Variants in NUMA1 observed in about 807,000 individuals in gnomAD.
The protein encoded by NUMA1 is nuclear mitotic apparatus protein 1, also known as SP-H antigen.
NUMA1 carries 62 observed loss-of-function variants against 237.1 expected under a neutral mutation model. That is an observed-to-expected ratio of 0.26 (90% CI 0.21 to 0.32). The LOEUF is 0.32. NUMA1 is among the 10% of genes least tolerant of loss of function. The pLI, the probability that NUMA1 is intolerant of heterozygous loss-of-function variation, is 1.00. For missense variants in NUMA1, 2,533 were observed against 2,666.5 expected (o/e 0.95, Z 1.10); for synonymous variants, 1,028 against 1,066.1 (o/e 0.96, Z 0.70).
In NUMA1 at chr11:72,015,397, CTCCTGGAGCTGG is replaced by C; in HGVS notation, c.2094_2105del (p.Asp698_Gln701del). On this transcript the variant is annotated inframe_deletion, in exon 15 of 27. Coordinates refer to ENST00000393695, the MANE Select transcript of NUMA1 (RefSeq NM_006185.4). The surrounding 1 kb of genome is among the most constrained non-coding windows in gnomAD (Gnocchi z 4.0). ...AGGACTCTTTGAGGGCCTGGAGCTG[CTCCTGGAGCTGG>C]TCCTTCTCCTGGGCCACCCTTTCTT... The C allele has an allele frequency of 6.2e-7, 1 of 1,612,126 alleles. No homozygotes were observed. Among genetic ancestry groups the C allele is most frequent in the Non-Finnish European group, 8.5e-7 (1 of 1,180,014 alleles).
At chr11:72,019,462 C>T in intron 9 of NUMA1, 32 bp downstream of exon 9, 2 of 1,607,136 alleles carry the variant, frequency 1.2e-6, no homozygotes, top group Non-Finnish European at 1.7e-6. Flanking sequence ...GATGCTGAGG[C>T]CCTATCCCAG....
chr11:72,043,350 C>T (rs865850248), intron 2 of NUMA1, among the ~76,000 whole-genome samples: 3 of 134,240 alleles, frequency 2.2e-5, no homozygotes, highest in East Asian at 2.2e-4. Flanking sequence ...ATTAGCCAGG[C>T]GGAGTTCTTT....
At position 72,013,743 on chromosome 11, in the gene NUMA1, G is replaced by A. The variant is rs913046357; in HGVS notation, c.3760C>T (p.Leu1254=). 6.2e-7 allele frequency: 1 copy of A among 1,609,994 alleles called. No individual in the cohort carries two copies. Among genetic ancestry groups the A allele is most frequent in the Non-Finnish European group, 8.5e-7 (1 of 1,180,012 alleles). The change falls in exon 15 of 27, where the codon CTG becomes TTG. Residue 1254 remains leucine (L), a synonymous_variant. Transcript: ENST00000393695. The surrounding 1 kb of genome is among the most constrained non-coding windows in gnomAD (Gnocchi z 6.8). The part of the protein sequence containing the change: ...KEGESKELKR[L]VMAESEKSQK... The stretch of plus-strand genomic sequence containing the variant: ...CTCTTCTCTGACTCGGCCATCACCA[G>A]CCGCTTCAACTCCTTGCTCTCCCCC...
intron 23 of NUMA1, 105 bp downstream of exon 23, chr11:72,005,128 C>G: frequency 7.7e-7 from 1 of 1,298,768 alleles, no homozygotes; most frequent in Non-Finnish European, 1.0e-6. Context: ...TCCCCCTCCT[C>G]GGCCAGTCAG....
rs1316691763 is a variant in NUMA1, at chr11:72,014,037, A to G, written c.3466T>C (p.Ser1156Pro). The G allele has an allele frequency of 2.5e-6, 4 of 1,610,992 alleles. No individual in the cohort carries two copies. The East Asian group carries it at 8.9e-5, about 36-fold the overall frequency. The change falls in exon 15 of 27, where the codon TCC becomes CCC. Residue 1156 changes from serine (S) to proline (P), a missense_variant. Around this residue, in one of 3 missense-constraint regions of NUMA1, gnomAD observed 1,414 missense variants for 1,508.1 expected, o/e 0.94. Coordinates refer to ENST00000393695, the MANE Select transcript of NUMA1 (RefSeq NM_006185.4). This position sits in a 1 kb window ranked among gnomAD's most constrained non-coding sequence, Gnocchi z 4.6. The part of the protein sequence containing the change: ...LERSLEAERA[S>P]RAERDSALET... The stretch of plus-strand genomic sequence containing the variant: ...AGAGCACTGTCCCGCTCAGCCCGGG[A>G]GGCCCGCTCAGCCTCGAGGCTGCGT...
At chr11:72,006,290 GTGTACAGTCCCTGGCAC>G in intron 21 of NUMA1, 27 bp from the exon 22 acceptor site, 2 of 1,596,758 alleles carry the variant, frequency 1.3e-6, no homozygotes, top group Non-Finnish European at 1.7e-6. Context: ...ATCTGTTGCA[GTGTACAGTCCCTGGCAC>G]TGTACAGAAG....
chr11:72,062,044 CT>C (rs1942971930), intron 2 of NUMA1, among the ~76,000 whole-genome samples: 3 of 152,262 alleles, frequency 2.0e-5, no homozygotes, highest in South Asian at 2.1e-4. Context: ...GCTAGGGCCC[CT>C]GACCATTGTG....
At chr11:72,069,499 T>C (rs1645504100) in intron 2 of NUMA1, among the ~76,000 whole-genome samples, 1 of 152,120 alleles carries the variant, frequency 6.6e-6, no homozygotes, top group Non-Finnish European at 1.5e-5. Context: ...CCAAGAATGG[T>C]TCTGAAACCC....
At chr11:72,070,916 TACTC>T (rs1322265998) in intron 1 of NUMA1, among the ~76,000 whole-genome samples, 1 of 152,224 alleles carries the variant, frequency 6.6e-6, no homozygotes, top group Non-Finnish European at 1.5e-5. Flanking sequence ...TAGTTATTAA[TACTC>T]TATCTTGCAA....
At chr11:72,009,519 C>G in intron 17 of NUMA1, 132 bp from the exon 18 acceptor site, 4 of 1,176,096 alleles carry the variant, frequency 3.4e-6, no homozygotes, top group Non-Finnish European at 3.5e-6. Context: ...AAAACCACAC[C>G]ACCCCAAATA....
chr11:72,056,658 A>AAAAAAAAAAAAAC (rs1942669720), intron 2 of NUMA1, among the ~76,000 whole-genome samples: 2 of 138,624 alleles, frequency 1.4e-5, no homozygotes, highest in Non-Finnish European at 3.2e-5. Flanking sequence ...AAAAAAAAAA[A>AAAAAAAAAAAAAC]AAGGCAAGCC....
Position 72,018,382 on chromosome 11 carries a change from A to G in NUMA1, c.860+14T>C. 1 of 1,611,196 alleles carries G rather than the reference A, an allele frequency of 6.2e-7. No homozygotes were observed. The highest frequency in any genetic ancestry group is 8.5e-7 in the Non-Finnish European group (1 of 1,177,320). The stretch of plus-strand genomic sequence containing the variant: ...GGGGCTGGGGCCTGGGAAGGAATGC[A>G]GGGAGAGCTGTACCTCTCATTCTTG... On this transcript the variant is annotated intron_variant, in intron 11 of 26. Coordinates refer to ENST00000393695, the MANE Select transcript of NUMA1 (RefSeq NM_006185.4).
Position 72,073,119 on chromosome 11 carries a change from G to A in NUMA1, c.-102-3208C>T, listed in dbSNP as rs535019294. ...TACACCCATAAACCTAGCACTTTGC[G>A]AGGCCGAGGCAGGAGGATTGCTTGA... On this transcript the variant is annotated intron_variant, in intron 1 of 26. Transcript: ENST00000393695. Among the ~76,000 whole-genome samples, 18 of 142,898 alleles carry A rather than the reference G, an allele frequency of 1.3e-4. 1 individual carries two copies. The highest frequency in any genetic ancestry group is 4.1e-4 in the African/African-American group (16 of 38,624). The allele number at this position is 142,898 out of a possible 152,430, so 93.7% of individuals were successfully genotyped here. A position where few individuals can be genotyped will look rare whatever the true frequency, so the allele number is the denominator to read the frequency against.
At chr11:72,023,482 C>T (rs1473462771) in intron 5 of NUMA1, among the ~76,000 whole-genome samples, 1 of 152,184 alleles carries the variant, frequency 6.6e-6, no homozygotes, top group Non-Finnish European at 1.5e-5. Context: ...ACTTTAGAAT[C>T]CTGTTCCAAC....
chr11:72,015,550 C>A lies in NUMA1; in HGVS notation c.1953G>T (p.Lys651Asn), dbSNP rs1265034548. 3 of 1,613,492 alleles carry A rather than the reference C, an allele frequency of 1.9e-6. No individual in the cohort carries two copies. In the Admixed American group the frequency reaches 5.0e-5, roughly 27 times the overall value. ...CAACACAGGCCTGGAGTTCCTCCAC[C>A]TTCCGGCTCAGCTCTGCCTTCTCCC... is the stretch of plus-strand genomic sequence containing the variant. Reference protein sequence around the residue: ...AQREKAELSRKVEELQACVET... With the variant: ...AQREKAELSRNVEELQACVET... The change falls in exon 15 of 27, where the codon AAG becomes AAT. Residue 651 changes from lysine to asparagine, a missense_variant. Lys to Asn is a moderately conservative substitution (Grantham distance 94). Transcript: ENST00000393695. This position sits in a 1 kb window ranked among gnomAD's most constrained non-coding sequence, Gnocchi z 4.0.
rs535124967 is a variant in NUMA1, at chr11:72,037,501, G to A, written c.-32-1526C>T. 7.2e-5 allele frequency among the ~76,000 whole-genome samples: 11 copies of A among 151,944 alleles called. No individual in the cohort carries two copies. In the South Asian group the frequency reaches 1.2e-3, roughly 17 times the overall value. On this transcript the variant is annotated intron_variant, in intron 2 of 26. Transcript: ENST00000393695. ...AGTTTGGGTGACAGAGCGAGACTCCGTCTCAAAAAAAAATAATAAAAAAAA... is the reference window on the plus strand; with the variant it reads ...AGTTTGGGTGACAGAGCGAGACTCCATCTCAAAAAAAAATAATAAAAAAAA...
At chr11:72,025,092 T>A (rs910948647) in intron 4 of NUMA1, among the ~76,000 whole-genome samples, 2 of 152,202 alleles carry the variant, frequency 1.3e-5, no homozygotes, top group African/African-American at 4.8e-5. Context: ...GAGATGGGGT[T>A]TCGCCATGTT....
chr11:72,066,718 C>T (rs888071762), intron 2 of NUMA1: 1 of 152,214 alleles, frequency 6.6e-6, no homozygotes, highest in African/African-American at 2.4e-5. Flanking sequence ...TTGCTTGTTC[C>T]TCTACAAACT....
chr11:72,022,674 C>A (rs1159357284), intron 6 of NUMA1, among the ~76,000 whole-genome samples: 1 of 151,754 alleles, frequency 6.6e-6, no homozygotes, highest in East Asian at 1.9e-4. Context: ...ACTCATGGAA[C>A]CCTGGGTGTG....
Sources: allele counts gnomAD v4.1 joint callset (sites outside exome capture counted in the v4.1 genomes callset), GRCh38; gene constraint gnomAD v4.1.1; regional missense constraint gnomAD v4.1.1; non-coding constraint Gnocchi (gnomAD v3.1); transcripts MANE v1.5; gene names NCBI Gene and HGNC (gene_info 2026-07-23, HGNC 2026-07-21).